The following ADAMTS17 variants were observed in gnomAD, a reference collection of about 807,000 sequenced individuals.
ADAMTS17 encodes A disintegrin and metalloproteinase with thrombospondin motifs 17.
A neutral mutation model predicts 141.5 loss-of-function variants in ADAMTS17; 113 were observed. The ratio of observed to expected loss-of-function variants is 0.80; its 90% CI spans 0.69 to 0.93. The LOEUF (loss-of-function observed/expected upper bound fraction) is 0.93. ADAMTS17 is among the 40% of genes least tolerant of loss of function. ADAMTS17 has a pLI of 0.00. For synonymous variants in ADAMTS17, 768 were observed against 630.6 expected (o/e 1.22, Z -3.27); for missense variants, 1,659 against 1,517.9 (o/e 1.09, Z -1.54).
chr15:100,271,494 C>A (rs778650507), intron 4 of ADAMTS17, among the ~76,000 whole-genome samples: 7 of 152,076 alleles, frequency 4.6e-5, no homozygotes, highest in Non-Finnish European at 5.9e-5. Flanking sequence ...ATGATTGATG[C>A]CAAGTATCTT....
At chr15:100,061,063 T>C (rs1434577926) in intron 15 of ADAMTS17, among the ~76,000 whole-genome samples, 2 of 152,188 alleles carry the variant, frequency 1.3e-5, no homozygotes, top group African/African-American at 4.8e-5. Context: ...GGAGGCCCAC[T>C]GCTTCTGGAG....
At chr15:100,130,301 T>A (rs7162057) in intron 12 of ADAMTS17, among the ~76,000 whole-genome samples, 46,630 of 150,842 alleles carry the variant, frequency 0.31, 8,199 homozygotes, top group East Asian at 0.48. Context: ...GAGGCGGAGG[T>A]TGCAGTGAGC....
intron 15 of ADAMTS17, among the ~76,000 whole-genome samples, chr15:100,090,776 G>C (rs904613294): frequency 6.6e-6 from 1 of 152,138 alleles, no homozygotes; most frequent in African/African-American, 2.4e-5. Flanking sequence ...GGGAGGCTGA[G>C]GCGGGTGGAT....
At chr15:100,153,796 T>G (rs1272665224) in intron 9 of ADAMTS17, among the ~76,000 whole-genome samples, 1 of 152,212 alleles carries the variant, frequency 6.6e-6, no homozygotes, top group Non-Finnish European at 1.5e-5. Flanking sequence ...AGGAAAGAGT[T>G]GCATGAACAC....
intron 2 of ADAMTS17, among the ~76,000 whole-genome samples, chr15:100,338,024 A>G (rs1030756942): frequency 2.0e-5 from 3 of 152,214 alleles, no homozygotes; most frequent in Admixed American, 6.5e-5. Flanking sequence ...TCATAGAAAC[A>G]CTTCCAAAAA....
rs746308348 is a variant in ADAMTS17 at position 100,116,845 on chromosome 15, A to T, written c.1888+2T>A. 3 of 1,614,090 alleles carry T rather than the reference A, an allele frequency of 1.9e-6. No individual in the cohort carries two copies. The highest frequency in any genetic ancestry group is 2.5e-6 in the Non-Finnish European group (3 of 1,180,040). Reference sequence around the variant, plus strand: ...ATGCAAGGACATGCCATATGCCTTTACCGTCAACCACCACGGCTGTCAGCA... The same window carrying T: ...ATGCAAGGACATGCCATATGCCTTTTCCGTCAACCACCACGGCTGTCAGCA... On this transcript the variant is annotated splice_donor_variant, in intron 13 of 21. Transcript: ENST00000268070. LOFTEE classifies it high-confidence loss of function.
chr15:100,165,590 C>A (rs1210297974), intron 8 of ADAMTS17, among the ~76,000 whole-genome samples: 5 of 152,320 alleles, frequency 3.3e-5, no homozygotes, highest in African/African-American at 9.6e-5. Context: ...TGAATAGACT[C>A]TGAGTTAAAG....
chr15:100,146,766 C>T (rs1312116338), intron 10 of ADAMTS17, among the ~76,000 whole-genome samples: 1 of 152,254 alleles, frequency 6.6e-6, no homozygotes, highest in African/African-American at 2.4e-5. Context: ...GAATACGTGC[C>T]TGGGGGTATA....
At chr15:100,198,929 T>C (rs1344963461) in intron 8 of ADAMTS17, among the ~76,000 whole-genome samples, 1 of 152,242 alleles carries the variant, frequency 6.6e-6, no homozygotes, top group African/African-American at 2.4e-5. Flanking sequence ...ACTTTAGAAT[T>C]GGCAGAAAAA....
intron 7 of ADAMTS17, among the ~76,000 whole-genome samples, chr15:100,237,803 T>C (rs1257044607): frequency 6.6e-6 from 1 of 152,154 alleles, no homozygotes; most frequent in East Asian, 1.9e-4. Flanking sequence ...TTTATATTTT[T>C]AGTAGAGACA....
In ADAMTS17 at chr15:100,172,507, C is replaced by G. The variant is rs112932834; in HGVS notation, c.1182-17187G>C. 6.4e-3 allele frequency among the ~76,000 whole-genome samples: 968 copies of G among 152,262 alleles called. 14 individuals carry two copies. Among genetic ancestry groups the G allele is most frequent in the African/African-American group, 0.021 (887 of 41,544 alleles). ...CCCCATCCTGACTCATCCTGGTCAC[C>G]TGCTCCATCCTGACTCACCTCTGGT... is the stretch of plus-strand genomic sequence containing the variant. On this transcript the variant is annotated intron_variant, in intron 8 of 21. Transcript: ENST00000268070.
At chr15:100,110,562 C>G (rs1477321598) in intron 13 of ADAMTS17, among the ~76,000 whole-genome samples, 1 of 152,048 alleles carries the variant, frequency 6.6e-6, no homozygotes, top group African/African-American at 2.4e-5. Context: ...CCGCGCCCCG[C>G]AAGACTCAGT....
At chr15:100,209,477 C>T (rs142966248) in intron 7 of ADAMTS17, among the ~76,000 whole-genome samples, 2 of 152,266 alleles carry the variant, frequency 1.3e-5, no homozygotes, top group African/African-American at 4.8e-5. Context: ...TGGGTGTTGA[C>T]TCAACAGTCA....
At chr15:100,280,116 T>C (rs2044232027) in intron 4 of ADAMTS17, among the ~76,000 whole-genome samples, 1 of 152,042 alleles carries the variant, frequency 6.6e-6, no homozygotes, top group Admixed American at 6.5e-5. Context: ...AAAGCCCAGG[T>C]CCCTCTTTCC....
At chr15:100,287,379 G>A (rs1271021850) in intron 3 of ADAMTS17, among the ~76,000 whole-genome samples, 1 of 152,252 alleles carries the variant, frequency 6.6e-6, no homozygotes, top group East Asian at 1.9e-4. Flanking sequence ...AAGAAATATG[G>A]AATTATGTAA....
At chr15:100,054,710 C>T (rs977578122) in intron 15 of ADAMTS17, among the ~76,000 whole-genome samples, 1 of 152,146 alleles carries the variant, frequency 6.6e-6, no homozygotes, top group Non-Finnish European at 1.5e-5. Context: ...GGGGGCTGAG[C>T]GTAGCAGGGG....
intron 7 of ADAMTS17, among the ~76,000 whole-genome samples, chr15:100,212,886 A>C (rs2041853840): frequency 6.6e-6 from 1 of 152,052 alleles, no homozygotes; most frequent in Non-Finnish European, 1.5e-5. Context: ...AGCCAAGGTA[A>C]TGCATAGGGT....
At chr15:100,095,999 G>T (rs534296947) in intron 15 of ADAMTS17, among the ~76,000 whole-genome samples, 1 of 152,130 alleles carries the variant, frequency 6.6e-6, no homozygotes, top group African/African-American at 2.4e-5. Flanking sequence ...GTCTTCCATC[G>T]ACAGGTAAAA....
intron 8 of ADAMTS17, among the ~76,000 whole-genome samples, chr15:100,189,247 G>T (rs1302108908): frequency 6.6e-6 from 1 of 152,236 alleles, no homozygotes; most frequent in East Asian, 1.9e-4. Context: ...CTAGGCATGG[G>T]ATGTAGGAGT....
Sources: gnomAD v4.1 joint callset for allele counts (sites outside exome capture counted in the v4.1 genomes callset) on GRCh38, gnomAD v4.1.1 for gene constraint, MANE v1.5 for transcripts, NCBI Gene and HGNC (gene_info 2026-07-23, HGNC 2026-07-21) for gene names.